CDH2: variants seen among roughly 807,000 people sequenced by gnomAD.
CDH2 encodes the protein cadherin 2, also known as cadherin-2.
In CDH2, 17 loss-of-function variants were observed where a neutral mutation model predicts 92.0. The observed-to-expected ratio is 0.18, with a 90% CI of 0.13 to 0.28. The LOEUF is 0.28. Among genes scored for constraint, CDH2 ranks in the 10% least tolerant of loss-of-function variants. The probability of loss-of-function intolerance (pLI) is 1.00; values close to 1 mark genes in which losing one functional copy is unlikely to be tolerated. For synonymous variants in CDH2, 419 were observed against 415.9 expected, an observed-to-expected ratio of 1.01 and a Z score of -0.09; for missense variants, 862 against 1,133.1, an observed-to-expected ratio of 0.76 and a Z score of 3.44.
At chr18:28,120,664 G>C (rs1444001108) in intron 2 of CDH2, among the ~76,000 whole-genome samples, 5 of 151,966 alleles carry the variant, frequency 3.3e-5, no homozygotes, top group Admixed American at 1.3e-4. Flanking sequence ...AGATATAAAA[G>C]GGAGGCATGA....
At chr18:28,016,951 C>T (rs931415922) in intron 2 of CDH2, among the ~76,000 whole-genome samples, 1 of 152,052 alleles carries the variant, frequency 6.6e-6, no homozygotes, top group Non-Finnish European at 1.5e-5. Context: ...TAAACCATTC[C>T]TGCATTCCTG....
At chr18:27,975,976 C>T (rs1186405928) in intron 14 of CDH2, among the ~76,000 whole-genome samples, 2 of 152,316 alleles carry the variant, frequency 1.3e-5, no homozygotes, top group East Asian at 3.9e-4. Context: ...CTGCTTCTCT[C>T]TTCTACCGGC....
intron 7 of CDH2, among the ~76,000 whole-genome samples, chr18:28,001,341 G>A (rs546456478): frequency 6.6e-6 from 1 of 152,274 alleles, no homozygotes; most frequent in East Asian, 1.9e-4. Context: ...CAGTCTAAAT[G>A]AGATAGGAAT....
chr18:28,166,893 C>T (rs1360777157), intron 1 of CDH2, among the ~76,000 whole-genome samples: 1 of 151,938 alleles, frequency 6.6e-6, no homozygotes, highest in Non-Finnish European at 1.5e-5. Context: ...GATGCTGGGA[C>T]AAATGTGGAC....
chr18:28,117,319 A>C (rs2015511507), intron 2 of CDH2, among the ~76,000 whole-genome samples: 1 of 152,112 alleles, frequency 6.6e-6, no homozygotes, highest in Non-Finnish European at 1.5e-5. Context: ...AAAATATATG[A>C]CTTGGATAAA....
intron 2 of CDH2, among the ~76,000 whole-genome samples, chr18:28,144,346 T>C (rs1281232474): frequency 6.8e-6 from 1 of 147,072 alleles, no homozygotes; most frequent in Non-Finnish European, 1.5e-5. Context: ...CAAACATATA[T>C]ATGCCACGGG....
At chr18:28,129,563 C>G (rs1832214145) in intron 2 of CDH2, among the ~76,000 whole-genome samples, 1 of 152,188 alleles carries the variant, frequency 6.6e-6, no homozygotes, top group Non-Finnish European at 1.5e-5. Flanking sequence ...CTGTGTGGCT[C>G]ACACTGGTAA....
rs757418255 is a variant in CDH2, at chr18:28,003,199, G to T, written c.848-30C>A. 1.3e-5 allele frequency: 20 copies of T among 1,564,490 alleles called. No homozygotes were observed. In the East Asian group the frequency reaches 4.3e-4, roughly 34 times the overall value. On this transcript the variant is annotated intron_variant, in intron 6 of 15. Transcript: ENST00000269141. ...AGACAGTGTACATGGAAAATGAATG[G>T]TTACCCTTCATTCCAGGGACCCCAA... is the stretch of plus-strand genomic sequence containing the variant.
intron 2 of CDH2, among the ~76,000 whole-genome samples, chr18:28,034,432 AT>A (rs66954863): frequency 1.9e-4 from 29 of 151,874 alleles, no homozygotes; most frequent in African/African-American, 6.0e-4. Flanking sequence ...TTTTAAATAT[AT>A]TTTTTTTCTG....
chr18:28,091,474 G>GA (rs879608924), intron 2 of CDH2, among the ~76,000 whole-genome samples: 20 of 150,200 alleles, frequency 1.3e-4, no homozygotes, highest in African/African-American at 2.9e-4. Flanking sequence ...AAAGTAGTGG[G>GA]AAAAAAAAAC....
chr18:28,066,164 C>T (rs776842218), intron 2 of CDH2, among the ~76,000 whole-genome samples: 1 of 152,060 alleles, frequency 6.6e-6, no homozygotes, highest in Non-Finnish European at 1.5e-5. Flanking sequence ...TCTGAAATTA[C>T]AATGGACTGA....
chr18:28,173,634 G>A (rs1168573358), intron 1 of CDH2, among the ~76,000 whole-genome samples: 4 of 151,990 alleles, frequency 2.6e-5, no homozygotes, highest in African/African-American at 9.7e-5. Flanking sequence ...TTGAAACCAG[G>A]ATCTGTTAAG....
intron 6 of CDH2, among the ~76,000 whole-genome samples, chr18:27,940,757 A>C (rs1362305283): frequency 6.6e-6 from 1 of 152,240 alleles, no homozygotes; most frequent in African/African-American, 2.4e-5. Context: ...AGTAAAAGAC[A>C]GTATCCTTCA....
intron 2 of CDH2, among the ~76,000 whole-genome samples, chr18:28,030,484 A>T (rs12956425): frequency 0.2 from 29,797 of 152,026 alleles, 3,363 homozygotes; most frequent in Non-Finnish European, 0.25. Context: ...ATCAGATGTA[A>T]AAGTAAAAAC....
chr18:28,165,090 T>C (rs1218578083), intron 1 of CDH2, among the ~76,000 whole-genome samples: 2 of 152,236 alleles, frequency 1.3e-5, no homozygotes, highest in Admixed American at 1.3e-4. Flanking sequence ...CCATTGATTG[T>C]GTCTGTGTAA....
intron 2 of CDH2, among the ~76,000 whole-genome samples, chr18:28,118,513 G>A (rs898660991): frequency 3.9e-5 from 6 of 152,004 alleles, no homozygotes; most frequent in African/African-American, 1.2e-4. Flanking sequence ...AAAACTGGGT[G>A]AGCCAAGTGT....
At chr18:28,095,290 A>G (rs2015112078) in intron 2 of CDH2, among the ~76,000 whole-genome samples, 1 of 152,004 alleles carries the variant, frequency 6.6e-6, no homozygotes, top group Non-Finnish European at 1.5e-5. Flanking sequence ...AATTTAAAAG[A>G]AAAAAAAGGG....
chr18:28,106,146 G>A (rs2015316762), intron 2 of CDH2, among the ~76,000 whole-genome samples: 1 of 152,242 alleles, frequency 6.6e-6, no homozygotes, highest in African/African-American at 2.4e-5. Context: ...GCCGGGTGCA[G>A]TGGCTTACAC....
At chr18:28,098,763 T>C (rs2015178808) in intron 2 of CDH2, among the ~76,000 whole-genome samples, 7 of 152,108 alleles carry the variant, frequency 4.6e-5, no homozygotes, top group Admixed American at 4.6e-4. Flanking sequence ...AGGACTGAAA[T>C]AGTAAGGCAG....
Sources: gnomAD v4.1 joint callset for allele counts (sites outside exome capture counted in the v4.1 genomes callset) on GRCh38, gnomAD v4.1.1 for gene constraint, MANE v1.5 for transcripts, NCBI Gene and HGNC (gene_info 2026-07-23, HGNC 2026-07-21) for gene names.